PNMA8A: variants seen among roughly 807,000 people sequenced by gnomAD.
PNMA8A encodes the protein PNMA family member 8A.
In PNMA8A, 17 loss-of-function variants were observed where a neutral mutation model predicts 26.6. The observed-to-expected ratio is 0.64, with a 90% CI of 0.44 to 0.96. The LOEUF (loss-of-function observed/expected upper bound fraction) is 0.96. Among genes scored for constraint, PNMA8A ranks in the 40% least tolerant of loss-of-function variants. The pLI is 0.00. For missense variants in PNMA8A, 532 were observed against 488.4 expected (o/e 1.09, Z -0.84); for synonymous variants, 224 against 182.0 (o/e 1.23, Z -1.86).
chr19:46,469,938 C>T lies in PNMA8A; in HGVS notation c.1098G>A (p.Lys366=), dbSNP rs1299113266. 1.2e-5 allele frequency: 20 copies of T among 1,613,526 alleles called. No homozygotes were observed. Among genetic ancestry groups the T allele is most frequent in the Non-Finnish European group, 1.7e-5 (20 of 1,179,792 alleles). ...CGTAGGAGACAGGGCCCAAGCTCAC[C>T]TTCTTCTTCTTCCTCATGGGAGCGG... ...KNPAPMRKKK[K]VSLGPVSYVL... The change falls in exon 2 of 3, where the codon AAG becomes AAA. Residue 366 remains lysine (K), a synonymous_variant. Transcript: ENST00000313683.
chr19:46,469,982 A>T lies in PNMA8A; in HGVS notation c.1054T>A (p.Trp352Arg). 4.3e-6 allele frequency: 7 copies of T among 1,610,216 alleles called. No individual in the cohort carries two copies. Among genetic ancestry groups the T allele is most frequent in the Non-Finnish European group, 5.9e-6 (7 of 1,178,538 alleles). Residue 352 changes from tryptophan to arginine, a missense_variant, in exon 2 of 3, where the codon TGG becomes AGG. Trp to Arg is a moderately radical substitution (Grantham distance 101, BLOSUM62 -3). Transcript: ENST00000313683. ...GGAGCGGGGTTCTTGGCAGACACCC[A>T]GGCCACGGCCTTCTTCTTTGGTGGG... ...ESPPKKKAVA[W>R]VSAKNPAPMR...
rs1468262388 is a variant in PNMA8A at position 46,468,518 on chromosome 19, C to G, written c.*43G>C. Reference sequence around the variant, plus strand: ...AGAGAACTTGGTTGACTTGGTACTTCTTCCTTGTTCTTTCAACTCCTCAGT... The same window carrying G: ...AGAGAACTTGGTTGACTTGGTACTTGTTCCTTGTTCTTTCAACTCCTCAGT... On this transcript the variant is annotated 3_prime_UTR_variant, in exon 3 of 3. Coordinates refer to ENST00000313683, the MANE Select transcript of PNMA8A (RefSeq NM_018215.4). The G allele has an allele frequency of 6.2e-7, 1 of 1,600,994 alleles. No homozygotes were observed. The highest frequency in any genetic ancestry group is 2.2e-5 in the East Asian group (1 of 44,786).
rs115672984 is a variant in PNMA8A, at chr19:46,470,668, T to C, written c.368A>G (p.Asp123Gly). The change falls in exon 2 of 3, where the codon GAT becomes GGT. Residue 123 changes from aspartate to glycine, a missense_variant. Physicochemically the swap from Asp to Gly is moderately conservative, Grantham distance 94. Transcript: ENST00000313683. ...FLDAEGRTWE[D>G]VVRLLQLNHP... ...GTTGAGCTGGAGCAGGCGGACCACA[T>C]CCTCCCAGGTGCGCCCCTCGGCATC... The C allele has an allele frequency of 1.5e-6, 2 of 1,348,330 alleles. No homozygotes were observed. The highest frequency in any genetic ancestry group is 4.6e-5 in the East Asian group (2 of 43,716). 83.5% of individuals were successfully genotyped at this position (1,348,330 alleles called of 1,614,324 possible). A position where few individuals can be genotyped will look rare whatever the true frequency, so the allele number is the denominator to read the frequency against.
intron 2 of PNMA8A, among the ~76,000 whole-genome samples, 186 bp from the exon 3 acceptor site, chr19:46,468,763 G>GGC (rs1568606511): frequency 1.3e-5 from 2 of 151,820 alleles, no homozygotes; most frequent in South Asian, 2.1e-4. Flanking sequence ...TATTTTTTTT[G>GGC]GGGGGAGGGG....
intron 2 of PNMA8A, among the ~76,000 whole-genome samples, chr19:46,469,109 CTT>C (rs11373648): frequency 1.5e-5 from 2 of 137,554 alleles, no homozygotes; most frequent in Non-Finnish European, 1.5e-5. Flanking sequence ...TCATTAAATT[CTT>C]TTTTTTTTTT....
Position 46,470,878 on chromosome 19 carries a change from T to G in PNMA8A, c.158A>C (p.Tyr53Ser), listed in dbSNP as rs1381181605. 1.3e-6 allele frequency: 1 copy of G among 781,076 alleles called. No individual in the cohort carries two copies. The highest frequency in any genetic ancestry group is 2.4e-5 in the East Asian group (1 of 41,248). 48.4% of individuals were successfully genotyped at this position (781,076 alleles called of 1,614,324 possible). A position where few individuals can be genotyped will look rare whatever the true frequency, so the allele number is the denominator to read the frequency against. ...CACAAAAATCTTGTTGAGCACGCGGTACGGGCCCAGTGGGGAGAGGACCCC... is the reference window on the plus strand; with the variant it reads ...CACAAAAATCTTGTTGAGCACGCGGGACGGGCCCAGTGGGGAGAGGACCCC... ...LNGVLSPLGP[Y>S]RVLNKIFVRE... The change falls in exon 2 of 3, where the codon TAC (tyrosine) becomes TCC (serine). Residue 53 changes from tyrosine (Y) to serine (S), a missense_variant. Physicochemically the swap from Tyr to Ser is moderately radical, Grantham distance 144. Transcript: ENST00000313683.
chr19:46,469,832 G>C lies in PNMA8A; in HGVS notation c.1204C>G (p.Gln402Glu), dbSNP rs748637170. ...GPGSRREASD[Q>E]KAPRGQQPAE... ...GGCTGCTGGCCCCGAGGGGCCTTCTGATCTGATGCCTCCCTTCTTGAGCCT... is the reference window on the plus strand; with the variant it reads ...GGCTGCTGGCCCCGAGGGGCCTTCTCATCTGATGCCTCCCTTCTTGAGCCT... Residue 402 changes from glutamine (Q) to glutamate (E), a missense_variant, in exon 2 of 3, where the codon CAG becomes GAG. Coordinates refer to ENST00000313683, the MANE Select transcript of PNMA8A (RefSeq NM_018215.4). The C allele has an allele frequency of 1.2e-6, 2 of 1,614,112 alleles. No individual in the cohort carries two copies. Among genetic ancestry groups the C allele is most frequent in the African/African-American group, 1.3e-5 (1 of 74,938 alleles).
Position 46,470,290 on chromosome 19 carries a change from T to C in PNMA8A, c.746A>G (p.Asn249Ser), listed in dbSNP as rs766769290. 6.2e-7 allele frequency: 1 copy of C among 1,613,250 alleles called. No homozygotes were observed. The highest frequency in any genetic ancestry group is 8.5e-7 in the Non-Finnish European group (1 of 1,179,904). ...SRSRRKKQKK[N>S]SRQEAVPWKK... Reference sequence around the variant, plus strand: ...CCAGGGCACTGCTTCCTGCCTGGAGTTCTTCTTCTGCTTCTTTCTCCTGGA... The same window carrying C: ...CCAGGGCACTGCTTCCTGCCTGGAGCTCTTCTTCTGCTTCTTTCTCCTGGA... The change falls in exon 2 of 3, where the codon AAC (asparagine) becomes AGC (serine). Residue 249 changes from asparagine to serine, a missense_variant. Physicochemically the swap from Asn to Ser is conservative, Grantham distance 46. Coordinates refer to ENST00000313683, the MANE Select transcript of PNMA8A (RefSeq NM_018215.4).
chr19:46,470,089 C>G lies in PNMA8A; in HGVS notation c.947G>C (p.Arg316Thr). 6.3e-7 allele frequency: 1 copy of G among 1,598,234 alleles called. No homozygotes were observed. Among genetic ancestry groups the G allele is most frequent in the South Asian group, 1.1e-5 (1 of 87,930 alleles). The change falls in exon 2 of 3, where the codon AGA becomes ACA. Residue 316 changes from arginine to threonine, a missense_variant. Transcript: ENST00000313683. ...PMAKCAWKGP[R>T]EPPQDARAEA... is the part of the protein sequence containing the mutation. ...TGCCCGGGCATCCTGAGGTGGCTCT[C>G]TGGGACCCTTCCAGGCACATTTCGC...
intron 2 of PNMA8A, among the ~76,000 whole-genome samples, chr19:46,468,783 T>C (rs1347595365): frequency 6.6e-6 from 1 of 152,034 alleles, no homozygotes; most frequent in Non-Finnish European, 1.5e-5. Flanking sequence ...GGGAACAGGG[T>C]TTCACTCTAT....
chr19:46,469,624 C>T (rs940239421), intron 2 of PNMA8A, 109 bp downstream of exon 2: 27 of 1,267,822 alleles, frequency 2.1e-5, no homozygotes, highest in African/African-American at 3.0e-5. Context: ...CCTCATCACC[C>T]GCTTGACCCA....
Position 46,470,464 on chromosome 19 carries a change from G to C in PNMA8A, c.572C>G (p.Ala191Gly). The C allele has an allele frequency of 6.2e-7, 1 of 1,614,022 alleles. No homozygotes were observed. Among genetic ancestry groups the C allele is most frequent in the East Asian group, 2.2e-5 (1 of 44,872 alleles). ...TTCTTTCTTCACCTTCCTCCCTGCT[G>C]CTAAAGCCCAGGCTGCCATCTCCTC... is the stretch of plus-strand genomic sequence containing the variant. Reference protein sequence around the residue: ...EFEEMAAWALAAGRKVKKEPG... With the variant: ...EFEEMAAWALGAGRKVKKEPG... The change falls in exon 2 of 3, where the codon GCA becomes GGA. Residue 191 changes from alanine (A) to glycine (G), a missense_variant. By Grantham distance (60) the Ala-to-Gly change is moderately conservative. Transcript: ENST00000313683.
At position 46,467,111 on chromosome 19, in the gene PNMA8A, T is replaced by G. The variant is rs1969716715; in HGVS notation, c.*1450A>C. 1 of 152,198 alleles carries G rather than the reference T, an allele frequency of 6.6e-6. No individual in the cohort carries two copies. Among genetic ancestry groups the G allele is most frequent in the Non-Finnish European group, 1.5e-5 (1 of 68,036 alleles). 9.4% of individuals were successfully genotyped at this position (152,198 alleles called of 1,614,324 possible). On this transcript the variant is annotated 3_prime_UTR_variant, in exon 3 of 3. Coordinates refer to ENST00000313683, the MANE Select transcript of PNMA8A (RefSeq NM_018215.4). ...ACTCAATTTTAAGCAAAGAGATGCC[T>G]GAAATAACTAAGACGTGTACAAAAA...
rs565739284 is a variant in PNMA8A, at chr19:46,470,875, C to T, written c.161G>A (p.Arg54His). 9 of 781,006 alleles carry T rather than the reference C, an allele frequency of 1.2e-5. No homozygotes were observed. The highest frequency in any genetic ancestry group is 1.9e-5 in the Non-Finnish European group (8 of 418,150). The allele number at this position is 781,006 out of a possible 1,614,324, so 48.4% of individuals were successfully genotyped here. Residue 54 changes from arginine (R) to histidine (H), a missense_variant, in exon 2 of 3, where the codon CGC (arginine) becomes CAC (histidine). Arg to His is a conservative substitution (Grantham distance 29). Coordinates refer to ENST00000313683, the MANE Select transcript of PNMA8A (RefSeq NM_018215.4). ...CCTCACAAAAATCTTGTTGAGCACGCGGTACGGGCCCAGTGGGGAGAGGAC... is the reference window on the plus strand; with the variant it reads ...CCTCACAAAAATCTTGTTGAGCACGTGGTACGGGCCCAGTGGGGAGAGGAC... Reference protein sequence around the residue: ...NGVLSPLGPYRVLNKIFVREE... With the variant: ...NGVLSPLGPYHVLNKIFVREE...
At position 46,470,724 on chromosome 19, in the gene PNMA8A, G is replaced by A. The variant is rs4803960; in HGVS notation, c.312C>T (p.Ala104=). ...RVVCRDPTQD[A]EFLKNLNEFL... ...ATTCATTCAGATTTTTTAAAAACTC[G>A]GCATCCTGGGTAGGGTCTCTACAGA... The change falls in exon 2 of 3, where the codon GCC becomes GCT. Residue 104 remains alanine (A), a synonymous_variant. Transcript: ENST00000313683. The A allele has an allele frequency of 0.23, 213,917 of 921,572 alleles. 26,207 individuals carry two copies. The highest frequency in any genetic ancestry group is 0.34 in the African/African-American group (21,092 of 61,750). 57.1% of individuals were successfully genotyped at this position (921,572 alleles called of 1,614,324 possible).
intron 2 of PNMA8A, 84 bp downstream of exon 2, chr19:46,469,649 T>G (rs1969753896): frequency 7.0e-7 from 1 of 1,424,792 alleles, no homozygotes; most frequent in Non-Finnish European, 9.2e-7. Flanking sequence ...CTCCTCGGGC[T>G]CCTCTGCCCC....
intron 2 of PNMA8A, among the ~76,000 whole-genome samples, 160 bp downstream of exon 2, chr19:46,469,573 A>G (rs987230281): frequency 2.0e-5 from 3 of 151,892 alleles, no homozygotes; most frequent in Non-Finnish European, 4.4e-5. Context: ...TACCCTCCTC[A>G]ACTGGTGTGT....
chr19:46,466,751 C>T lies in PNMA8A; in HGVS notation c.*1810G>A, dbSNP rs759556756. The T allele has an allele frequency of 2.0e-5, 3 of 152,120 alleles. No individual in the cohort carries two copies. The highest frequency in any genetic ancestry group is 4.4e-5 in the Non-Finnish European group (3 of 68,022). The allele number at this position is 152,120 out of a possible 1,614,324, so 9.4% of individuals were successfully genotyped here. A position where few individuals can be genotyped will look rare whatever the true frequency, so the allele number is the denominator to read the frequency against. On this transcript the variant is annotated 3_prime_UTR_variant, in exon 3 of 3. Coordinates refer to ENST00000313683, the MANE Select transcript of PNMA8A (RefSeq NM_018215.4). ...TCTCTTTTCTCTCGTATTTTTCAGT[C>T]AGACTCACTCAGGATTTTGAAATGA... is the stretch of plus-strand genomic sequence containing the variant.
chr19:46,470,729 C>T lies in PNMA8A; in HGVS notation c.307G>A (p.Asp103Asn). 2.3e-6 allele frequency: 2 copies of T among 886,510 alleles called. No homozygotes were observed. Among genetic ancestry groups the T allele is most frequent in the Non-Finnish European group, 3.9e-6 (2 of 514,592 alleles). 54.9% of individuals were successfully genotyped at this position (886,510 alleles called of 1,614,324 possible). Residue 103 changes from aspartate to asparagine, a missense_variant, in exon 2 of 3, where the codon GAT (aspartate) becomes AAT (asparagine). Transcript: ENST00000313683. ...TTCAGATTTTTTAAAAACTCGGCATCCTGGGTAGGGTCTCTACAGACCACT... is the reference window on the plus strand; with the variant it reads ...TTCAGATTTTTTAAAAACTCGGCATTCTGGGTAGGGTCTCTACAGACCACT... ...WRVVCRDPTQDAEFLKNLNEF... is the reference protein window; with the variant it reads ...WRVVCRDPTQNAEFLKNLNEF...
Sources: allele counts gnomAD v4.1 joint callset (sites outside exome capture counted in the v4.1 genomes callset), GRCh38; gene constraint gnomAD v4.1.1; transcripts MANE v1.5; gene names NCBI Gene and HGNC (gene_info 2026-07-23, HGNC 2026-07-21).